KCNH1: variants seen among roughly 807,000 people sequenced by gnomAD.
KCNH1 encodes the protein potassium voltage-gated channel subfamily H member 1.
Under a neutral mutation model 69.2 loss-of-function variants are expected in KCNH1, and 27 were observed. That is an observed-to-expected ratio of 0.39 (90% CI 0.29 to 0.54). The LOEUF is 0.54. Ranked by LOEUF, KCNH1 falls within the 20% of genes least tolerant of loss-of-function variation. The pLI, the probability that KCNH1 is intolerant of heterozygous loss-of-function variation, is 0.68. For synonymous variants in KCNH1, 456 were observed against 487.7 expected (o/e 0.93, Z 0.86); for missense variants, 798 against 1,261.6 (o/e 0.63, Z 5.57).
At chr1:210,855,009 G>T (rs1304012775) in intron 7 of KCNH1, among the ~76,000 whole-genome samples, 1 of 152,170 alleles carries the variant, frequency 6.6e-6, no homozygotes, top group Non-Finnish European at 1.5e-5. Context: ...CCTACCCTTT[G>T]CAATTTCTTT....
intron 6 of KCNH1, among the ~76,000 whole-genome samples, chr1:210,952,454 A>G (rs2102347254): frequency 6.6e-6 from 1 of 152,312 alleles, no homozygotes; most frequent in African/African-American, 2.4e-5. Context: ...AAGCCTGGTC[A>G]CTTTATGGAG....
chr1:210,800,341 C>T (rs1684403722), intron 8 of KCNH1, among the ~76,000 whole-genome samples: 1 of 152,224 alleles, frequency 6.6e-6, no homozygotes, highest in Admixed American at 6.5e-5. Flanking sequence ...ATGAGGAGCA[C>T]TCACACGCCA....
chr1:211,043,925 T>C (rs950037574), intron 5 of KCNH1, among the ~76,000 whole-genome samples: 1 of 152,172 alleles, frequency 6.6e-6, no homozygotes, highest in Non-Finnish European at 1.5e-5. Context: ...CAAATCAGCA[T>C]ACAAGGGACA....
rs989623954 is a variant in KCNH1, at chr1:210,931,047, C to T, written c.1033-10978G>A. 2.6e-5 allele frequency among the ~76,000 whole-genome samples: 4 copies of T among 152,260 alleles called. No individual in the cohort carries two copies. The East Asian group carries it at 7.7e-4, about 29-fold the overall frequency. On this transcript the variant is annotated intron_variant, in intron 6 of 10. Transcript: ENST00000271751. ...TGGCAGGGGTACAGTGAAAAGGGAA[C>T]ACTTTTACACTGTTGGTGAGACTGT... is the stretch of plus-strand genomic sequence containing the variant.
At chr1:211,081,628 A>G (rs1459532087) in intron 5 of KCNH1, among the ~76,000 whole-genome samples, 1 of 152,244 alleles carries the variant, frequency 6.6e-6, no homozygotes, top group Non-Finnish European at 1.5e-5. Context: ...ACCATGGAAT[A>G]CTATGCAGCC....
chr1:210,974,438 T>G (rs1228466984), intron 6 of KCNH1, among the ~76,000 whole-genome samples: 2 of 152,146 alleles, frequency 1.3e-5, no homozygotes, highest in East Asian at 1.9e-4. Context: ...ATATTTCGTT[T>G]AGGAGCTTTG....
At chr1:210,955,077 T>C (rs974620181) in intron 6 of KCNH1, among the ~76,000 whole-genome samples, 5 of 152,238 alleles carry the variant, frequency 3.3e-5, no homozygotes, top group Non-Finnish European at 5.9e-5. Flanking sequence ...TTAATTTTTG[T>C]ATAAGGTGTA....
At chr1:210,691,856 A>G (rs565172818) in intron 10 of KCNH1, among the ~76,000 whole-genome samples, 1 of 152,226 alleles carries the variant, frequency 6.6e-6, no homozygotes, top group Non-Finnish European at 1.5e-5. Flanking sequence ...CTAGCAACAC[A>G]TGAGCCCAAC....
At chr1:210,698,135 T>G (rs1681685884) in intron 10 of KCNH1, among the ~76,000 whole-genome samples, 1 of 152,172 alleles carries the variant, frequency 6.6e-6, no homozygotes, top group Non-Finnish European at 1.5e-5. Context: ...GACCTAAAGG[T>G]TGAAAGCAGT....
At chr1:210,971,248 C>T (rs563169560) in intron 6 of KCNH1, among the ~76,000 whole-genome samples, 36 of 152,140 alleles carry the variant, frequency 2.4e-4, no homozygotes, top group African/African-American at 8.7e-4. Context: ...CCACCACAGC[C>T]GACCCACGAT....
At chr1:210,981,389 AAAAG>A (rs1413644399) in intron 6 of KCNH1, among the ~76,000 whole-genome samples, 1 of 151,566 alleles carries the variant, frequency 6.6e-6, no homozygotes, top group African/African-American at 2.4e-5. Context: ...AAAAAAAAAA[AAAAG>A]AATCATCCCT....
intron 6 of KCNH1, among the ~76,000 whole-genome samples, chr1:210,959,183 G>A (rs1217998734): frequency 6.6e-6 from 1 of 152,040 alleles, no homozygotes; most frequent in Non-Finnish European, 1.5e-5. Flanking sequence ...TCAGCTGCAG[G>A]TCTGTTGGAG....
At chr1:210,859,034 G>T (rs990923953) in intron 7 of KCNH1, 4 of 603,478 alleles carry the variant, frequency 6.6e-6, no homozygotes, top group African/African-American at 5.6e-5. Context: ...ATCTCCTGGG[G>T]TTGTTGTTGT....
chr1:210,908,484 G>GCTT (rs1450273886), intron 7 of KCNH1, among the ~76,000 whole-genome samples: 1 of 152,132 alleles, frequency 6.6e-6, no homozygotes, highest in Non-Finnish European at 1.5e-5. Context: ...AGAACCTGTA[G>GCTT]CTTCTGCCTG....
intron 7 of KCNH1, among the ~76,000 whole-genome samples, chr1:210,834,070 C>T (rs1685226914): frequency 1.3e-5 from 2 of 152,220 alleles, no homozygotes; most frequent in Admixed American, 1.3e-4. Flanking sequence ...AATAGGAACA[C>T]TTTTACACTG....
intron 10 of KCNH1, among the ~76,000 whole-genome samples, chr1:210,708,756 A>G (rs17188499): frequency 0.015 from 2,214 of 152,318 alleles, 28 homozygotes; most frequent in Middle Eastern, 0.048. Flanking sequence ...TAAGTGTCCA[A>G]CGGGTCTTGT....
intron 7 of KCNH1, among the ~76,000 whole-genome samples, chr1:210,819,469 T>G (rs1684882454): frequency 6.6e-6 from 1 of 152,024 alleles, no homozygotes; most frequent in Non-Finnish European, 1.5e-5. Flanking sequence ...AAGATTTGAG[T>G]GTCTGCCGTG....
At chr1:210,788,033 T>G (rs1380966533) in intron 9 of KCNH1, among the ~76,000 whole-genome samples, 1 of 152,210 alleles carries the variant, frequency 6.6e-6, no homozygotes, top group Non-Finnish European at 1.5e-5. Flanking sequence ...AAAATTAAAT[T>G]AGCCAAATCT....
intron 5 of KCNH1, among the ~76,000 whole-genome samples, chr1:211,078,847 G>T (rs1198632650): frequency 1.4e-5 from 2 of 147,882 alleles, no homozygotes; most frequent in Admixed American, 6.9e-5. Context: ...GAACCCGGGA[G>T]GCAGAGCTCA....
Sources: allele counts gnomAD v4.1 joint callset (sites outside exome capture counted in the v4.1 genomes callset), GRCh38; gene constraint gnomAD v4.1.1; transcripts MANE v1.5; gene names NCBI Gene and HGNC (gene_info 2026-07-23, HGNC 2026-07-21).